The following PSG8 variants were observed in gnomAD, a reference collection of about 807,000 sequenced individuals.
PSG8 encodes pregnancy specific beta-1-glycoprotein 8, also known as pregnancy-specific beta-1-glycoprotein 8.
Under a neutral mutation model 42.5 loss-of-function variants are expected in PSG8, and 57 were observed. The observed-to-expected ratio is 1.34, with a 90% CI of 1.08 to 1.67. The LOEUF (loss-of-function observed/expected upper bound fraction) is 1.67. Ranked by LOEUF, PSG8 falls within the 40% of genes most tolerant of loss-of-function variation. The pLI is 0.00. For missense variants in PSG8, 783 were observed against 518.6 expected (o/e 1.51, Z -4.95); for synonymous variants, 280 against 196.8 (o/e 1.42, Z -3.54).
At position 42,764,254 on chromosome 19, in the gene PSG8, G is replaced by T. The variant is rs1189448744; in HGVS notation, c.92C>A (p.Pro31His). 4 of 1,613,440 alleles carry T rather than the reference G, an allele frequency of 2.5e-6. No individual in the cohort carries two copies. In the African/African-American group the frequency reaches 5.3e-5, roughly 22 times the overall value. ...TTCAATCGTGACTTGGGCAGTCGTG[G>T]GTGGGTTCCAGAAGTTTAAAAGTGA... ...TASLLNFWNP[P>H]TTAQVTIEAQ... Residue 31 changes from proline (P) to histidine (H), a missense_variant, in exon 2 of 5, where the codon CCC becomes CAC. Transcript: ENST00000306511.
At chr19:42,753,307 C>T, downstream of PSG8, 1 of 780,342 alleles carries the variant, frequency 1.3e-6, no homozygotes, top group Non-Finnish European at 2.4e-6. Context: ...CAGAGTGGGT[C>T]TTTTTCTTAG....
chr19:42,765,382 G>T, intron 1 of PSG8, 136 bp downstream of exon 1: 2 of 1,383,306 alleles, frequency 1.4e-6, no homozygotes, highest in East Asian at 2.4e-5. Context: ...TTGAACTCCT[G>T]ATCTCATGAT....
chr19:42,753,247 C>A, downstream of PSG8: 1 of 778,208 alleles, frequency 1.3e-6, no homozygotes. Context: ...AGGGTTTTCC[C>A]ATGAAATTTA....
chr19:42,753,316 A>G (rs149721508), downstream of PSG8: 13 of 780,492 alleles, frequency 1.7e-5, no homozygotes, highest in Admixed American at 2.0e-4. Flanking sequence ...TCTTTTTCTT[A>G]GCGATTCCAT....
chr19:42,753,441 A>G (rs142582233), downstream of PSG8: 6,793 of 771,610 alleles, frequency 8.8e-3, 72 homozygotes, highest in Non-Finnish European at 0.013. Flanking sequence ...CAGGTGTACT[A>G]CAGTTTTTAT....
downstream of PSG8, among the ~76,000 whole-genome samples, chr19:42,753,684 G>T (rs1013413293): frequency 6.6e-6 from 1 of 152,146 alleles, no homozygotes; most frequent in Non-Finnish European, 1.5e-5. Flanking sequence ...AGAATAGGAA[G>T]CCAAACCAAG....
At chr19:42,763,821 G>A (rs1327286921) in intron 2 of PSG8, 95 bp downstream of exon 2, 9 of 1,597,346 alleles carry the variant, frequency 5.6e-6, no homozygotes, top group South Asian at 1.1e-5. Flanking sequence ...ATGCAGAGAG[G>A]GACACAGGCA....
chr19:42,757,144 G>T (rs1438523380), intron 3 of PSG8, among the ~76,000 whole-genome samples: 4 of 151,970 alleles, frequency 2.6e-5, no homozygotes, highest in Non-Finnish European at 5.9e-5. Flanking sequence ...ATTGTTCATT[G>T]TTAGTGTATA....
In PSG8 at chr19:42,763,876, C is replaced by T. The variant is rs1434130682; in HGVS notation, c.430+40G>A. The T allele has an allele frequency of 3.7e-6, 6 of 1,613,336 alleles. No individual in the cohort carries two copies. The East Asian group carries it at 1.1e-4, about 30-fold the overall frequency. On this transcript the variant is annotated intron_variant, in intron 2 of 4. Transcript: ENST00000306511. The stretch of plus-strand genomic sequence containing the variant: ...CTGTGTGTGTGAAGTAGAAGTGACC[C>T]CTGTCCCCCAACACCCAGGGATCAT...
Position 42,765,641 on chromosome 19 carries a change from T to G in PSG8, c.-60A>C. ...ATGAGCCTAGGATCCAGAAGCTTCC[T>G]GAGCACAGCTCTCAGCAGTGCTGTC... On this transcript the variant is annotated 5_prime_UTR_variant, in exon 1 of 5. Transcript: ENST00000306511. The G allele has an allele frequency of 5.7e-6, 9 of 1,590,286 alleles. No homozygotes were observed. Among genetic ancestry groups the G allele is most frequent in the South Asian group, 1.1e-5 (1 of 90,432 alleles).
In PSG8 at chr19:42,758,130, T is replaced by C. The variant is rs745689620; in HGVS notation, c.581A>G (p.Gln194Arg). ...GAGGGTCCTGTTGGTTTCAGACAAC[T>C]GCAACCTGTGAGACATAGGGAGGCT... ...GQSLPMSHRL[Q>R]LSETNRTLFL... Residue 194 changes from glutamine to arginine, a missense_variant, in exon 3 of 5, where the codon CAG becomes CGG. Gln to Arg is a conservative substitution (Grantham distance 43). Coordinates refer to ENST00000306511, the MANE Select transcript of PSG8 (RefSeq NM_182707.3). 1 of 1,613,906 alleles carries C rather than the reference T, an allele frequency of 6.2e-7. No individual in the cohort carries two copies. The highest frequency in any genetic ancestry group is 1.3e-5 in the African/African-American group (1 of 74,896).
At chr19:42,753,577 G>A (rs972268954), downstream of PSG8, among the ~76,000 whole-genome samples, 10 of 152,208 alleles carry the variant, frequency 6.6e-5, no homozygotes, top group Admixed American at 1.3e-4. Flanking sequence ...CATAAGTGCA[G>A]CAAGAGTAGC....
intron 2 of PSG8, among the ~76,000 whole-genome samples, chr19:42,763,519 T>G (rs1231923382): frequency 1.6e-4 from 24 of 152,206 alleles, no homozygotes; most frequent in African/African-American, 4.8e-4. Context: ...TTAGGGACAC[T>G]GTTCTGGGGG....
intron 2 of PSG8, among the ~76,000 whole-genome samples, chr19:42,759,400 C>T (rs112848329): frequency 6.6e-6 from 1 of 152,158 alleles, no homozygotes; most frequent in African/African-American, 2.4e-5. Flanking sequence ...ATCTCCTGTA[C>T]AGCCTCATGT....
chr19:42,757,879 C>A, intron 3 of PSG8, 123 bp downstream of exon 3: 1 of 1,605,668 alleles, frequency 6.2e-7, no homozygotes, highest in Non-Finnish European at 8.5e-7. Flanking sequence ...AAGTCATGGC[C>A]AGGTTTGATG....
intron 3 of PSG8, 85 bp from the exon 4 acceptor site, chr19:42,755,351 C>T: frequency 9.5e-6 from 15 of 1,572,640 alleles, no homozygotes; most frequent in Non-Finnish European, 1.3e-5. Context: ...TGGCATCTCC[C>T]ACTTCTCAGC....
At chr19:42,764,863 C>T (rs751518538) in intron 1 of PSG8, among the ~76,000 whole-genome samples, 1 of 152,106 alleles carries the variant, frequency 6.6e-6, no homozygotes, top group African/African-American at 2.4e-5. Context: ...TCTCAGGGCC[C>T]TCCACGCCCT....
At chr19:42,762,811 C>G (rs1293464518) in intron 2 of PSG8, among the ~76,000 whole-genome samples, 1 of 152,214 alleles carries the variant, frequency 6.6e-6, no homozygotes, top group Admixed American at 6.5e-5. Context: ...TCTCACTCCT[C>G]TGAGGTTTGG....
Position 42,765,629 on chromosome 19 carries a change from C to T in PSG8, c.-48G>A. The T allele has an allele frequency of 1.3e-6, 2 of 1,598,464 alleles. No homozygotes were observed. The highest frequency in any genetic ancestry group is 1.7e-6 in the Non-Finnish European group (2 of 1,169,662). ...TCCTCTGTGGAGATGAGCCTAGGAT[C>T]CAGAAGCTTCCTGAGCACAGCTCTC... On this transcript the variant is annotated 5_prime_UTR_variant, in exon 1 of 5. Transcript: ENST00000306511.
Sources: allele counts gnomAD v4.1 joint callset (sites outside exome capture counted in the v4.1 genomes callset), GRCh38; gene constraint gnomAD v4.1.1; transcripts MANE v1.5; gene names NCBI Gene and HGNC (gene_info 2026-07-23, HGNC 2026-07-21).